SPHK2: variants seen among roughly 807,000 people sequenced by gnomAD.
The protein encoded by SPHK2 is sphingosine kinase 2.
A neutral mutation model predicts 32.3 loss-of-function variants in SPHK2; 18 were observed. That is an observed-to-expected ratio of 0.56 (90% CI 0.39 to 0.83). SPHK2 has a LOEUF of 0.83. Among genes scored for constraint, SPHK2 ranks in the 40% least tolerant of loss-of-function variants. SPHK2 has a pLI of 0.00. For missense variants in SPHK2, 850 were observed against 908.7 expected (o/e 0.94, Z 0.83); for synonymous variants, 462 against 417.6 (o/e 1.11, Z -1.30).
rs767246546 is a variant in SPHK2, at chr19:48,627,839, C to T, written c.659C>T (p.Thr220Ile). 1 of 1,609,864 alleles carries T rather than the reference C, an allele frequency of 6.2e-7. No homozygotes were observed. Among genetic ancestry groups the T allele is most frequent in the South Asian group, 1.1e-5 (1 of 90,374 alleles). Residue 220 changes from threonine to isoleucine, a missense_variant and splice_region_variant, in exon 4 of 7, where the codon ACA becomes ATA. Physicochemically the swap from Thr to Ile is moderately conservative, Grantham distance 89. This residue lies in a region of SPHK2 where 544 missense variants were observed against 640.0 expected (regional missense o/e 0.85). Transcript: ENST00000245222. ...EAGLSFNLIQ[T>I]ERQNHARELV... ...GGGCTGTCCTTCAACCTCATCCAGA[C>T]AGGTAAGGGCCAGTGAGAATGGGAG...
rs928319360 is a variant in SPHK2, at chr19:48,630,277, G to A, written c.*504G>A. The A allele has an allele frequency of 4.6e-5, 59 of 1,294,180 alleles. No homozygotes were observed. Among genetic ancestry groups the A allele is most frequent in the Non-Finnish European group, 5.7e-5 (58 of 1,021,998 alleles). The allele number at this position is 1,294,180 out of a possible 1,614,324, so 80.2% of individuals were successfully genotyped here. A position where few individuals can be genotyped will look rare whatever the true frequency, so the allele number is the denominator to read the frequency against. On this transcript the variant is annotated 3_prime_UTR_variant, in exon 7 of 7. Transcript: ENST00000245222. The surrounding 1 kb of genome is among the most constrained non-coding windows in gnomAD (Gnocchi z 4.9). Reference sequence around the variant, plus strand: ...GGCCGGCGCTAGGATTTGCACTAATGTTCCTCTCCCCGCGGGTGGGGGCGG... The same window carrying A: ...GGCCGGCGCTAGGATTTGCACTAATATTCCTCTCCCCGCGGGTGGGGGCGG...
At chr19:48,623,324 C>T (rs975674747) in intron 2 of SPHK2, 10 of 152,048 alleles carry the variant, frequency 6.6e-5, no homozygotes, top group Non-Finnish European at 1.5e-4. Flanking sequence ...TGGCGATCCA[C>T]CCGCCTCGGC....
At chr19:48,626,527 CAA>C (rs1391301871) in intron 3 of SPHK2, 165 bp downstream of exon 3, 2 of 936,984 alleles carry the variant, frequency 2.1e-6, no homozygotes, top group East Asian at 3.1e-5. Flanking sequence ...AACAAAAAGA[CAA>C]GAGGACCGGA....
chr19:48,630,384 G>A lies in SPHK2; in HGVS notation c.*611G>A. The A allele has an allele frequency of 7.3e-7, 1 of 1,376,176 alleles. No homozygotes were observed. Among genetic ancestry groups the A allele is most frequent in the East Asian group, 2.8e-5 (1 of 36,168 alleles). The allele number at this position is 1,376,176 out of a possible 1,614,324, so 85.2% of individuals were successfully genotyped here. A position where few individuals can be genotyped will look rare whatever the true frequency, so the allele number is the denominator to read the frequency against. On this transcript the variant is annotated 3_prime_UTR_variant, in exon 7 of 7. Coordinates refer to ENST00000245222, the MANE Select transcript of SPHK2 (RefSeq NM_020126.5). The surrounding 1 kb of genome is among the most constrained non-coding windows in gnomAD (Gnocchi z 4.9). Reference sequence around the variant, plus strand: ...CAATTGAAAAGGTCTATGCAATAAAGGCAGTCGCTTCATTCCTCTCAGACC... The same window carrying A: ...CAATTGAAAAGGTCTATGCAATAAAAGCAGTCGCTTCATTCCTCTCAGACC...
Position 48,626,216 on chromosome 19 carries a change from G to C in SPHK2, c.365G>C (p.Arg122Pro). 1 of 1,594,920 alleles carries C rather than the reference G, an allele frequency of 6.3e-7. No individual in the cohort carries two copies. Among genetic ancestry groups the C allele is most frequent in the South Asian group, 1.1e-5 (1 of 89,970 alleles). ...TACTTCTGCATCTACACCTACCCTC[G>C]GGGCCGGCGCGGGGCCCGGCGCAGA... ...AAYFCIYTYP[R>P]GRRGARRRAT... The change falls in exon 3 of 7, where the codon CGG becomes CCG. Residue 122 changes from arginine to proline, a missense_variant. Arg to Pro is a moderately radical substitution (Grantham distance 103). Around this residue, in one of 2 missense-constraint regions of SPHK2, gnomAD observed 544 missense variants for 640.0 expected, o/e 0.85. Transcript: ENST00000245222.
At position 48,630,321 on chromosome 19, in the gene SPHK2, T is replaced by A; in HGVS notation, c.*548T>A. ...GGGGCGGGGAAATTCATATCCCCTG[T>A]TCGTCTCATGCGCGTCCTCCGTCCC... On this transcript the variant is annotated 3_prime_UTR_variant, in exon 7 of 7. Coordinates refer to ENST00000245222, the MANE Select transcript of SPHK2 (RefSeq NM_020126.5). This position sits in a 1 kb window ranked among gnomAD's most constrained non-coding sequence, Gnocchi z 4.9. 1 of 1,305,910 alleles carries A rather than the reference T, an allele frequency of 7.7e-7. No homozygotes were observed. The highest frequency in any genetic ancestry group is 9.7e-7 in the Non-Finnish European group (1 of 1,028,274). 80.9% of individuals were successfully genotyped at this position (1,305,910 alleles called of 1,614,324 possible).
intron 2 of SPHK2, among the ~76,000 whole-genome samples, chr19:48,621,973 G>A (rs923155235): frequency 6.6e-6 from 1 of 151,882 alleles, no homozygotes. Flanking sequence ...ACTCAATCTC[G>A]GGCCGGGCGC....
rs1309047425 is a variant in SPHK2, at chr19:48,629,446, C to T, written c.1638C>T (p.Pro546=). 1.2e-6 allele frequency: 2 copies of T among 1,609,304 alleles called. No individual in the cohort carries two copies. The highest frequency in any genetic ancestry group is 1.7e-6 in the Non-Finnish European group (2 of 1,178,766). ...GDFVLMLAIS[P]SHLGADLVAA... The stretch of plus-strand genomic sequence containing the variant: ...TTGTGCTCATGTTGGCCATCTCGCC[C>T]AGCCACCTAGGCGCTGACCTGGTGG... The change falls in exon 7 of 7, where the codon CCC becomes CCT. Residue 546 remains proline (P), a synonymous_variant. Transcript: ENST00000245222.
chr19:48,629,530 C>T lies in SPHK2; in HGVS notation c.1722C>T (p.Gly574=). The change falls in exon 7 of 7, where the codon GGC becomes GGT. Residue 574 remains glycine, a synonymous_variant. Coordinates refer to ENST00000245222, the MANE Select transcript of SPHK2 (RefSeq NM_020126.5). ...TGCACCTGTGCTGGGTGCGTAGCGGCATCTCGCGGGCTGCGCTGCTGCGCC... is the reference window on the plus strand; with the variant it reads ...TGCACCTGTGCTGGGTGCGTAGCGGTATCTCGCGGGCTGCGCTGCTGCGCC... ...GLVHLCWVRS[G]ISRAALLRLF... The T allele has an allele frequency of 3.1e-6, 5 of 1,605,046 alleles. No individual in the cohort carries two copies. The highest frequency in any genetic ancestry group is 4.2e-6 in the Non-Finnish European group (5 of 1,177,104).
rs768379871 is a variant in SPHK2 at position 48,629,066 on chromosome 19, G to C, written c.1258G>C (p.Val420Leu). Residue 420 changes from valine (V) to leucine (L), a missense_variant, in exon 7 of 7, where the codon GTG becomes CTG. By Grantham distance (32) the Val-to-Leu change is conservative (BLOSUM62 1). Transcript: ENST00000245222. The part of the protein sequence containing the change: ...PMAHSPLHRS[V>L]SDLPLPLPQP... ...GGCCCACTCACCCCTGCATCGTTCT[G>C]TGTCTGACCTGCCTCTTCCCCTGCC... The C allele has an allele frequency of 6.2e-7, 1 of 1,613,048 alleles. No homozygotes were observed. Among genetic ancestry groups the C allele is most frequent in the African/African-American group, 1.3e-5 (1 of 74,874 alleles).
At chr19:48,624,907 G>A (rs1051169308) in intron 2 of SPHK2, 2 of 986,682 alleles carry the variant, frequency 2.0e-6, no homozygotes, top group Non-Finnish European at 2.4e-6. Flanking sequence ...CTCTGGGCCT[G>A]GGGAATGTGA....
At chr19:48,625,525 A>C (rs1974573606) in intron 2 of SPHK2, 3 of 1,248,288 alleles carry the variant, frequency 2.4e-6, no homozygotes, top group Non-Finnish European at 3.1e-6. Context: ...TCACCCAACC[A>C]CCTGTATATT....
chr19:48,621,480 T>G (rs1161756212), intron 2 of SPHK2, among the ~76,000 whole-genome samples: 2 of 152,154 alleles, frequency 1.3e-5, no homozygotes, highest in African/African-American at 4.8e-5. Flanking sequence ...TCTCAAAGTG[T>G]TGAGCTTACA....
At chr19:48,622,283 T>G (rs1178907748) in intron 2 of SPHK2, among the ~76,000 whole-genome samples, 1 of 147,594 alleles carries the variant, frequency 6.8e-6, no homozygotes, top group African/African-American at 2.5e-5. Flanking sequence ...TAAAAAAAAA[T>G]AAAGGACTCA....
At position 48,629,878 on chromosome 19, in the gene SPHK2, C is replaced by T; in HGVS notation, c.*105C>T. On this transcript the variant is annotated 3_prime_UTR_variant, in exon 7 of 7. Transcript: ENST00000245222. Reference sequence around the variant, plus strand: ...GCTGCTAGAGTTGTGGTGGCAGGGGCCCTGGCCCCGTCTCAGGATTGCGCT... The same window carrying T: ...GCTGCTAGAGTTGTGGTGGCAGGGGTCCTGGCCCCGTCTCAGGATTGCGCT... 4 of 1,457,760 alleles carry T rather than the reference C, an allele frequency of 2.7e-6. No individual in the cohort carries two copies. The highest frequency in any genetic ancestry group is 3.6e-6 in the Non-Finnish European group (4 of 1,105,542). 90.3% of individuals were successfully genotyped at this position (1,457,760 alleles called of 1,614,324 possible). A position where few individuals can be genotyped will look rare whatever the true frequency, so the allele number is the denominator to read the frequency against.
At chr19:48,621,962 G>A (rs1230420160) in intron 2 of SPHK2, among the ~76,000 whole-genome samples, 4 of 152,020 alleles carry the variant, frequency 2.6e-5, no homozygotes, top group Non-Finnish European at 5.9e-5. Context: ...ATTTTTAAAG[G>A]ACTCAATCTC....
In SPHK2 at chr19:48,619,833, C is replaced by A. The variant is rs576594301; in HGVS notation, c.-114+290C>A. On this transcript the variant is annotated intron_variant, in intron 1 of 6. Coordinates refer to ENST00000245222, the MANE Select transcript of SPHK2 (RefSeq NM_020126.5). ...GGGAGACAGAGTTTCATAGGGGAGGCAAAATGGAGACTCCGTGGCTTGGGG... is the reference window on the plus strand; with the variant it reads ...GGGAGACAGAGTTTCATAGGGGAGGAAAAATGGAGACTCCGTGGCTTGGGG... 1.4e-4 allele frequency: 22 copies of A among 153,108 alleles called. No homozygotes were observed. In the South Asian group the frequency reaches 2.4e-3, roughly 16 times the overall value. 9.5% of individuals were successfully genotyped at this position (153,108 alleles called of 1,614,324 possible).
chr19:48,626,521 A>G, intron 3 of SPHK2, 159 bp downstream of exon 3: 1 of 981,934 alleles, frequency 1.0e-6, no homozygotes, highest in Non-Finnish European at 1.4e-6. Context: ...AGAAGGAACA[A>G]AAAGACAAGA....
chr19:48,628,966 C>G lies in SPHK2; in HGVS notation c.1158C>G (p.Ala386=). The part of the protein sequence containing the change: ...LSYLPATVEP[A]SPTPAHSLPR... ...ACCTCCCCGCCACTGTGGAACCTGC[C>G]TCGCCCACCCCTGCCCATAGCCTGC... The change falls in exon 7 of 7, where the codon GCC becomes GCG. Residue 386 remains alanine, a synonymous_variant. Transcript: ENST00000245222. The surrounding 1 kb of genome is among the most constrained non-coding windows in gnomAD (Gnocchi z 5.2). The G allele has an allele frequency of 6.2e-7, 1 of 1,613,776 alleles. No homozygotes were observed. The highest frequency in any genetic ancestry group is 8.5e-7 in the Non-Finnish European group (1 of 1,179,990).
Sources: allele counts gnomAD v4.1 joint callset (sites outside exome capture counted in the v4.1 genomes callset), GRCh38; gene constraint gnomAD v4.1.1; regional missense constraint gnomAD v4.1.1; non-coding constraint Gnocchi (gnomAD v3.1); transcripts MANE v1.5; gene names NCBI Gene and HGNC (gene_info 2026-07-23, HGNC 2026-07-21).